Variants in TNRC18 observed in about 807,000 individuals in gnomAD.
TNRC18 encodes the protein trinucleotide repeat containing 18.
A neutral mutation model predicts 226.7 loss-of-function variants in TNRC18; 69 were observed. The observed-to-expected ratio is 0.30, with a 90% CI of 0.25 to 0.37. The LOEUF (loss-of-function observed/expected upper bound fraction) is 0.37, where lower values mean the gene tolerates loss of function less well. Among genes scored for constraint, TNRC18 ranks in the 10% least tolerant of loss-of-function variants. The probability of loss-of-function intolerance (pLI) is 1.00; values close to 1 mark genes in which losing one functional copy is unlikely to be tolerated. For synonymous variants in TNRC18, 2,449 were observed against 1,927.6 expected (o/e 1.27, Z -7.09); for missense variants, 4,754 against 4,256.6 (o/e 1.12, Z -3.25).
intron 2 of TNRC18, among the ~76,000 whole-genome samples, chr7:5,412,215 G>A (rs1781886169): frequency 8.8e-6 from 1 of 113,212 alleles, no homozygotes; most frequent in Non-Finnish European, 1.8e-5. Context: ...AGAGAAACTG[G>A]AAGCCAGATA....
intron 16 of TNRC18, 116 bp from the exon 17 acceptor site, chr7:5,352,210 C>G (rs1342604188): frequency 1.8e-6 from 2 of 1,108,542 alleles, no homozygotes; most frequent in African/African-American, 1.6e-5. Flanking sequence ...CAAACAGGTC[C>G]GAATACCTAG....
chr7:5,376,095 A>G lies in TNRC18; in HGVS notation c.2738T>C (p.Phe913Ser). ...SQQHFLRQQE[F>S]LYLQQQAAQA... is the part of the protein sequence containing the mutation. Reference sequence around the variant, plus strand: ...GGCCGCCTGCTGCTGCAGGTACAGGAACTCCTGCTGCCGCAGGAAGTGCTG... The same window carrying G: ...GGCCGCCTGCTGCTGCAGGTACAGGGACTCCTGCTGCCGCAGGAAGTGCTG... Residue 913 changes from phenylalanine to serine, a missense_variant, in exon 9 of 30, where the codon TTC becomes TCC. Coordinates refer to ENST00000430969, the MANE Select transcript of TNRC18 (RefSeq NM_001080495.3). 1.3e-6 allele frequency: 2 copies of G among 1,594,120 alleles called. No individual in the cohort carries two copies. Among genetic ancestry groups the G allele is most frequent in the Non-Finnish European group, 1.7e-6 (2 of 1,171,600 alleles).
In TNRC18 at chr7:5,377,835, AAGCCCACCTGGGGTCATCC is replaced by A; in HGVS notation, c.2255+68_2255+86del. On this transcript the variant is annotated intron_variant, in intron 6 of 29. Coordinates refer to ENST00000430969, the MANE Select transcript of TNRC18 (RefSeq NM_001080495.3). The surrounding 1 kb of genome is among the most constrained non-coding windows in gnomAD (Gnocchi z 5.8). ...CCATAGCATCCATGGTCGAGGGGCC[AAGCCCACCTGGGGTCATCC>A]AGCTGCCCCTCACCCCCAGGGGCTC... is the stretch of plus-strand genomic sequence containing the variant. 1 of 1,364,560 alleles carries A rather than the reference AAGCCCACCTGGGGTCATCC, an allele frequency of 7.3e-7. No individual in the cohort carries two copies. The highest frequency in any genetic ancestry group is 1.0e-6 in the Non-Finnish European group (1 of 970,192). 84.5% of individuals were successfully genotyped at this position (1,364,560 alleles called of 1,614,324 possible). A position where few individuals can be genotyped will look rare whatever the true frequency, so the allele number is the denominator to read the frequency against.
chr7:5,385,508 A>AG (rs1456737371), intron 5 of TNRC18, among the ~76,000 whole-genome samples: 9 of 86,816 alleles, frequency 1.0e-4, no homozygotes, highest in African/African-American at 4.8e-4. Flanking sequence ...AAAAAAAAAA[A>AG]AAAAAAAAAG....
intron 2 of TNRC18, among the ~76,000 whole-genome samples, chr7:5,417,354 T>C (rs1413564309): frequency 6.6e-6 from 1 of 151,856 alleles, no homozygotes; most frequent in African/African-American, 2.4e-5. Context: ...CCTGTAGCTC[T>C]AGCTACTCGG....
chr7:5,345,948 G>C, intron 17 of TNRC18, 138 bp from the exon 18 acceptor site: 7 of 1,266,788 alleles, frequency 5.5e-6, no homozygotes, highest in South Asian at 1.6e-5. Context: ...GGGGGTGGAT[G>C]CAGACCCAGC....
Position 5,362,814 on chromosome 7 carries a change from C to T in TNRC18, c.4231G>A (p.Ala1411Thr), listed in dbSNP as rs1315726281. 6.4e-7 allele frequency: 1 copy of T among 1,552,668 alleles called. No homozygotes were observed. The highest frequency in any genetic ancestry group is 8.7e-7 in the Non-Finnish European group (1 of 1,149,858). ...RSQEMGGAERALVARPSLESL... is the reference protein window; with the variant it reads ...RSQEMGGAERTLVARPSLESL... ...TCCAGGGAGGGCCGCGCCACCAGGG[C>T]CCGCTCCGCACCTGTGGACAGGAGG... Residue 1411 changes from alanine to threonine, a missense_variant, in exon 12 of 30, where the codon GCC becomes ACC. Coordinates refer to ENST00000430969, the MANE Select transcript of TNRC18 (RefSeq NM_001080495.3).
intron 16 of TNRC18, among the ~76,000 whole-genome samples, chr7:5,352,980 A>G (rs1791985151): frequency 6.6e-6 from 1 of 152,158 alleles, no homozygotes; most frequent in African/African-American, 2.4e-5. Flanking sequence ...AGTCCAAGAG[A>G]AACCACATGC....
At chr7:5,318,038 A>T (rs1788025503) in intron 24 of TNRC18, among the ~76,000 whole-genome samples, 3 of 151,766 alleles carry the variant, frequency 2.0e-5, no homozygotes, top group Admixed American at 1.3e-4. Flanking sequence ...CGCCCAGCTT[A>T]TTTTTGTATT....
chr7:5,402,167 A>G (rs1448005086), intron 2 of TNRC18, among the ~76,000 whole-genome samples: 1 of 130,868 alleles, frequency 7.6e-6, no homozygotes, highest in African/African-American at 3.0e-5. Context: ...CAACACAGCG[A>G]GACTCTGTCT....
intron 2 of TNRC18, 34 bp downstream of exon 2, chr7:5,421,026 A>T (rs1313477877): frequency 6.5e-7 from 1 of 1,536,486 alleles, no homozygotes. Flanking sequence ...CCCTGGGAAG[A>T]CAGGAGGGGA....
At chr7:5,323,693 G>C (rs1264807030) in intron 21 of TNRC18, among the ~76,000 whole-genome samples, 2 of 151,146 alleles carry the variant, frequency 1.3e-5, no homozygotes, top group Admixed American at 1.3e-4. Flanking sequence ...CCAGCCTCCC[G>C]GGTAGCTGGG....
chr7:5,322,661 G>A (rs1583765562), intron 21 of TNRC18, among the ~76,000 whole-genome samples: 1 of 152,154 alleles, frequency 6.6e-6, no homozygotes, highest in African/African-American at 2.4e-5. Context: ...ACTTGCCGAC[G>A]GCGGTCACCT....
chr7:5,325,643 C>T, intron 19 of TNRC18: 1 of 192,620 alleles, frequency 5.2e-6, no homozygotes, highest in Non-Finnish European at 1.1e-5. Context: ...CGAGGATGGT[C>T]TCGATCTCCT....
chr7:5,324,470 T>C lies in TNRC18; in HGVS notation c.6301-115A>G, dbSNP rs529643430. ...GTCAGGCCGCAGGGGGAATCTGTCA[T>C]GTGCATGGCAGGGATCCCAGTTAGG... On this transcript the variant is annotated intron_variant, in intron 20 of 29. Coordinates refer to ENST00000430969, the MANE Select transcript of TNRC18 (RefSeq NM_001080495.3). This position sits in a 1 kb window ranked among gnomAD's most constrained non-coding sequence, Gnocchi z 4.8. 7 of 1,415,304 alleles carry C rather than the reference T, an allele frequency of 4.9e-6. No individual in the cohort carries two copies. The Admixed American group carries it at 1.4e-4, about 28-fold the overall frequency. The allele number at this position is 1,415,304 out of a possible 1,614,324, so 87.7% of individuals were successfully genotyped here.
chr7:5,360,102 G>A (rs1792880882), intron 14 of TNRC18, among the ~76,000 whole-genome samples: 1 of 152,162 alleles, frequency 6.6e-6, no homozygotes, highest in Non-Finnish European at 1.5e-5. Flanking sequence ...AACTTCACAG[G>A]TGATCGAAAC....
intron 14 of TNRC18, among the ~76,000 whole-genome samples, chr7:5,360,483 G>C (rs1338110161): frequency 6.6e-6 from 1 of 152,164 alleles, no homozygotes; most frequent in Non-Finnish European, 1.5e-5. Flanking sequence ...GCCTGCCTCG[G>C]CCTCCTAAAG....
At position 5,370,903 on chromosome 7, in the gene TNRC18, C is replaced by T. The variant is rs1277042280; in HGVS notation, c.3691G>A (p.Asp1231Asn). ...DFVEGPEPRVDSPGRTEPCTA... is the reference protein window; with the variant it reads ...DFVEGPEPRVNSPGRTEPCTA... ...CAGGGTTCTGTCCGGCCCGGGGAAT[C>T]CACCCGTGGTTCAGGCCCCTCCACA... Residue 1231 changes from aspartate to asparagine, a missense_variant, in exon 11 of 30, where the codon GAT becomes AAT. Physicochemically the swap from Asp to Asn is conservative, Grantham distance 23. Transcript: ENST00000430969. The T allele has an allele frequency of 6.2e-7, 1 of 1,606,234 alleles. No homozygotes were observed. Among genetic ancestry groups the T allele is most frequent in the South Asian group, 1.1e-5 (1 of 91,086 alleles).
intron 2 of TNRC18, among the ~76,000 whole-genome samples, chr7:5,406,066 G>T (rs1387090255): frequency 2.0e-5 from 3 of 152,112 alleles, no homozygotes; most frequent in African/African-American, 7.2e-5. Flanking sequence ...TCCAGCCAGT[G>T]GAATATTATT....
Sources: gnomAD v4.1 joint callset for allele counts (sites outside exome capture counted in the v4.1 genomes callset) on GRCh38, gnomAD v4.1.1 for gene constraint, Gnocchi (gnomAD v3.1) non-coding constraint, MANE v1.5 for transcripts, NCBI Gene and HGNC (gene_info 2026-07-23, HGNC 2026-07-21) for gene names.